The following SLC4A10 variants were observed in gnomAD, a reference collection of about 807,000 sequenced individuals.
The protein encoded by SLC4A10 is solute carrier family 4 member 10.
In SLC4A10, 42 loss-of-function variants were observed where a neutral mutation model predicts 137.7. The observed-to-expected ratio is 0.30, with a 90% confidence interval of 0.24 to 0.39. SLC4A10 has a LOEUF of 0.39. Among genes scored for constraint, SLC4A10 ranks in the 10% least tolerant of loss-of-function variants. SLC4A10 has a pLI of 1.00. For synonymous variants in SLC4A10, 474 were observed against 464.1 expected (o/e 1.02, Z -0.27); for missense variants, 925 against 1,355.0 (o/e 0.68, Z 4.98).
intron 16 of SLC4A10, among the ~76,000 whole-genome samples, chr2:161,945,189 T>TGC (rs1261625315): frequency 3.2e-3 from 22 of 6,916 alleles, no homozygotes; most frequent in African/African-American, 7.7e-3. Context: ...TGTGTATATA[T>TGC]ATATATATAT....
At chr2:161,631,461 C>G (rs867157916) in intron 1 of SLC4A10, among the ~76,000 whole-genome samples, 1 of 151,554 alleles carries the variant, frequency 6.6e-6, no homozygotes, top group African/African-American at 2.4e-5. Context: ...TTCCTCCCCC[C>G]ACAAGAAATT....
chr2:161,632,931 C>T (rs565147511), intron 1 of SLC4A10, among the ~76,000 whole-genome samples: 4 of 151,610 alleles, frequency 2.6e-5, no homozygotes, highest in East Asian at 1.9e-4. Context: ...TCATAATGGG[C>T]TAGAAAATTA....
chr2:161,713,330 C>T (rs1258842447), intron 1 of SLC4A10, among the ~76,000 whole-genome samples: 1 of 151,760 alleles, frequency 6.6e-6, no homozygotes, highest in Non-Finnish European at 1.5e-5. Context: ...AAGTCATTTT[C>T]AGAGCTCTAA....
At chr2:161,836,550 A>G (rs762573801) in intron 3 of SLC4A10, among the ~76,000 whole-genome samples, 918 of 64,550 alleles carry the variant, frequency 0.014, 23 homozygotes, top group African/African-American at 0.037. Context: ...GAAAGAAAGA[A>G]AGAAAGAAAG....
At chr2:161,919,134 G>A (rs887050843) in intron 15 of SLC4A10, among the ~76,000 whole-genome samples, 2 of 152,144 alleles carry the variant, frequency 1.3e-5, no homozygotes, top group East Asian at 3.9e-4. Flanking sequence ...GGGTAGTAAT[G>A]ACACACCAGC....
Position 161,839,931 on chromosome 2 carries a change from AG to A in SLC4A10, c.416+6del. 6.2e-7 allele frequency: 1 copy of A among 1,613,798 alleles called. No individual in the cohort carries two copies. The highest frequency in any genetic ancestry group is 8.5e-7 in the Non-Finnish European group (1 of 1,179,736). ...CTGAGTGGCGAGAAACAGCCAGGTGAGGATTTTTGTTAAAGGGTGAAGGTAT... is the reference window on the plus strand; with the variant it reads ...CTGAGTGGCGAGAAACAGCCAGGTGAGATTTTTGTTAAAGGGTGAAGGTAT... On this transcript the variant is annotated splice_donor_5th_base_variant and intron_variant, in intron 4 of 26. Transcript: ENST00000446997.
chr2:161,872,054 C>T (rs2061162270), intron 6 of SLC4A10, among the ~76,000 whole-genome samples: 1 of 152,014 alleles, frequency 6.6e-6, no homozygotes, highest in South Asian at 2.1e-4. Context: ...TGAAAATAAT[C>T]TTTTAGAGTT....
At chr2:161,835,345 A>C (rs1318571503) in intron 3 of SLC4A10, among the ~76,000 whole-genome samples, 1 of 152,110 alleles carries the variant, frequency 6.6e-6, no homozygotes, top group Non-Finnish European at 1.5e-5. Context: ...CCAAGACTGC[A>C]TGTCTTATGT....
intron 6 of SLC4A10, among the ~76,000 whole-genome samples, chr2:161,866,873 T>C (rs545323653): frequency 6.6e-6 from 1 of 151,868 alleles, no homozygotes; most frequent in Non-Finnish European, 1.5e-5. Context: ...TTTTATATTT[T>C]TGAAGATAAT....
At chr2:161,868,730 G>A (rs1412715546) in intron 6 of SLC4A10, among the ~76,000 whole-genome samples, 2 of 151,712 alleles carry the variant, frequency 1.3e-5, no homozygotes, top group East Asian at 3.9e-4. Flanking sequence ...AATAGCAGAG[G>A]AGATATTAGG....
At position 161,753,876 on chromosome 2, in the gene SLC4A10, T is replaced by TTATG. The variant is rs2049282944; in HGVS notation, c.49-17094_49-17093insGTAT. Among the ~76,000 whole-genome samples, 5 of 148,788 alleles carry TTATG rather than the reference T, an allele frequency of 3.4e-5. No individual in the cohort carries two copies. In the South Asian group the frequency reaches 1.1e-3, roughly 32 times the overall value. ...TCGAGTTATTTATTTATTTATTTAT[T>TTATG]TATTTATTTATTTATTTATTTATTT... On this transcript the variant is annotated intron_variant, in intron 1 of 26. Coordinates refer to ENST00000446997, the MANE Select transcript of SLC4A10 (RefSeq NM_001178015.2).
In SLC4A10 at chr2:161,957,250, T is replaced by C; in HGVS notation, c.2793+10T>C. Reference sequence around the variant, plus strand: ...GACCAGTATTCTGAAGGTAACAAAATCTGTCTTTATGAACTTGAGAGAAAG... The same window carrying C: ...GACCAGTATTCTGAAGGTAACAAAACCTGTCTTTATGAACTTGAGAGAAAG... On this transcript the variant is annotated intron_variant, in intron 20 of 26. Coordinates refer to ENST00000446997, the MANE Select transcript of SLC4A10 (RefSeq NM_001178015.2). 2 of 1,609,302 alleles carry C rather than the reference T, an allele frequency of 1.2e-6. No individual in the cohort carries two copies. The highest frequency in any genetic ancestry group is 1.3e-5 in the African/African-American group (1 of 74,750).
At chr2:161,825,403 C>A (rs1337752637) in intron 3 of SLC4A10, among the ~76,000 whole-genome samples, 2 of 152,178 alleles carry the variant, frequency 1.3e-5, no homozygotes, top group Non-Finnish European at 1.5e-5. Context: ...ACTCCTTAGG[C>A]TTAGCAAGAA....
intron 1 of SLC4A10, among the ~76,000 whole-genome samples, chr2:161,677,523 A>G (rs768991290): frequency 2.1e-4 from 32 of 152,344 alleles, no homozygotes; most frequent in African/African-American, 7.7e-4. Context: ...TTTCAAGAAC[A>G]TACTGCTACA....
At chr2:161,754,883 C>T (rs1057272663) in intron 1 of SLC4A10, among the ~76,000 whole-genome samples, 1 of 152,096 alleles carries the variant, frequency 6.6e-6, no homozygotes, top group Non-Finnish European at 1.5e-5. Flanking sequence ...CAATACTTCA[C>T]ATTTTTAATT....
At chr2:161,707,746 A>G (rs975197674) in intron 1 of SLC4A10, among the ~76,000 whole-genome samples, 1 of 151,518 alleles carries the variant, frequency 6.6e-6, no homozygotes, top group Non-Finnish European at 1.5e-5. Context: ...ATAATACCAC[A>G]TTATCTTTTG....
chr2:161,635,931 G>A (rs1558912137), intron 1 of SLC4A10, among the ~76,000 whole-genome samples: 3 of 152,068 alleles, frequency 2.0e-5, no homozygotes, highest in Admixed American at 2.0e-4. Flanking sequence ...TTTGTGAACT[G>A]CTGATTTATT....
intron 1 of SLC4A10, among the ~76,000 whole-genome samples, chr2:161,754,072 AG>A (rs1483621945): frequency 6.6e-6 from 1 of 151,556 alleles, no homozygotes; most frequent in Admixed American, 6.6e-5. Flanking sequence ...TTGTATTTTT[AG>A]TAGAGTGTGA....
At chr2:161,792,263 C>T (rs923585243) in intron 2 of SLC4A10, among the ~76,000 whole-genome samples, 16 of 152,116 alleles carry the variant, frequency 1.1e-4, no homozygotes, top group Non-Finnish European at 1.5e-4. Context: ...GTATTCATTA[C>T]ATTAAATATA....
Sources: gnomAD v4.1 joint callset for allele counts (sites outside exome capture counted in the v4.1 genomes callset) on GRCh38, gnomAD v4.1.1 for gene constraint, MANE v1.5 for transcripts, NCBI Gene and HGNC (gene_info 2026-07-23, HGNC 2026-07-21) for gene names.